ENTREP2: variants seen among roughly 807,000 people sequenced by gnomAD.
ENTREP2 encodes the protein endosomal transmembrane epsin interactor 2, also known as protein ENTREP2.
chr15:29,220,141 A>C, the ENTREP2 span, among the ~76,000 whole-genome samples: 1 of 152,190 alleles, frequency 6.6e-6, no homozygotes, highest in African/African-American at 2.4e-5. Context: ...TCTAGGGCTT[A>C]TTTGAGGCTG....
chr15:29,403,012 A>G, the ENTREP2 span, among the ~76,000 whole-genome samples: 1 of 152,140 alleles, frequency 6.6e-6, no homozygotes, highest in Admixed American at 6.5e-5. Context: ...ATGGCTTCAG[A>G]ACAGGTATGG....
the ENTREP2 span, among the ~76,000 whole-genome samples, chr15:29,261,952 A>C: frequency 6.6e-6 from 1 of 151,342 alleles, no homozygotes; most frequent in African/African-American, 2.4e-5. Flanking sequence ...AGTAAACCCA[A>C]GGAAAGTAAA....
the ENTREP2 span, among the ~76,000 whole-genome samples, chr15:29,654,159 G>C: frequency 6.6e-6 from 1 of 152,294 alleles, no homozygotes; most frequent in South Asian, 2.1e-4. Context: ...CTGAGAAACT[G>C]ATCAGGTTTT....
the ENTREP2 span, among the ~76,000 whole-genome samples, chr15:29,505,007 C>A: frequency 1.3e-4 from 20 of 152,106 alleles, no homozygotes; most frequent in Middle Eastern, 3.4e-3. The surrounding 1 kb of genome is among the most constrained non-coding windows in gnomAD (Gnocchi z 4.3). Context: ...TTGTAGATGA[C>A]AAGAGAAAAA....
At chr15:29,364,874 G>A in the ENTREP2 span, among the ~76,000 whole-genome samples, 1 of 152,162 alleles carries the variant, frequency 6.6e-6, no homozygotes, top group Admixed American at 6.5e-5. Flanking sequence ...CCAGCCGCCA[G>A]CAGAGTGGTG....
the ENTREP2 span, among the ~76,000 whole-genome samples, chr15:29,240,262 G>A: frequency 6.6e-5 from 10 of 152,014 alleles, no homozygotes; most frequent in Non-Finnish European, 7.4e-5. Context: ...TACTCAGGAG[G>A]CCGAGGCAGG....
At chr15:29,444,716 C>T in the ENTREP2 span, among the ~76,000 whole-genome samples, 1 of 152,128 alleles carries the variant, frequency 6.6e-6, no homozygotes, top group African/African-American at 2.4e-5. Context: ...CCGCCCACCT[C>T]GGCCTCCCAA....
the ENTREP2 span, among the ~76,000 whole-genome samples, chr15:29,633,071 T>A: frequency 6.6e-6 from 1 of 152,224 alleles, no homozygotes; most frequent in Non-Finnish European, 1.5e-5. Context: ...GAATTGTGAT[T>A]GCTGAATGAG....
chr15:29,169,770 C>A, the ENTREP2 span, among the ~76,000 whole-genome samples: 111 of 152,208 alleles, frequency 7.3e-4, no homozygotes, highest in Non-Finnish European at 1.2e-3. Context: ...TAGACAGGAG[C>A]TCCCTAAACT....
At chr15:29,485,546 G>A in the ENTREP2 span, among the ~76,000 whole-genome samples, 2 of 152,160 alleles carry the variant, frequency 1.3e-5, no homozygotes, top group Non-Finnish European at 2.9e-5. Context: ...CAGTCCCTGG[G>A]ACAGAAGATT....
At chr15:29,600,456 A>ATCATCATCC in the ENTREP2 span, among the ~76,000 whole-genome samples, 1 of 151,850 alleles carries the variant, frequency 6.6e-6, no homozygotes, top group Non-Finnish European at 1.5e-5. Flanking sequence ...CATCATCATC[A>ATCATCATCC]TCATCATCAT....
At chr15:29,620,713 A>G in the ENTREP2 span, among the ~76,000 whole-genome samples, 13 of 152,100 alleles carry the variant, frequency 8.5e-5, no homozygotes, top group Non-Finnish European at 1.9e-4. Context: ...GGCCAAAGAA[A>G]TAAGTGGGAA....
chr15:29,167,330 A>T, the ENTREP2 span, among the ~76,000 whole-genome samples: 1 of 152,246 alleles, frequency 6.6e-6, no homozygotes, highest in East Asian at 1.9e-4. Flanking sequence ...GGATCAAATT[A>T]AACTAAAGAG....
the ENTREP2 span, among the ~76,000 whole-genome samples, chr15:29,514,506 C>A: frequency 2.0e-5 from 3 of 152,194 alleles, no homozygotes; most frequent in Admixed American, 6.5e-5. Flanking sequence ...GTAAACAAGG[C>A]TTCCATGAAC....
chr15:29,391,494 G>A, the ENTREP2 span, among the ~76,000 whole-genome samples: 1 of 152,118 alleles, frequency 6.6e-6, no homozygotes. Context: ...CCTTAGTGTT[G>A]AAGTGTTTTA....
the ENTREP2 span, among the ~76,000 whole-genome samples, chr15:29,285,443 A>G: frequency 1.3e-5 from 2 of 152,244 alleles, no homozygotes; most frequent in Non-Finnish European, 2.9e-5. Context: ...TACTATATAC[A>G]GCCTTTCCCA....
At chr15:29,311,203 A>G in the ENTREP2 span, among the ~76,000 whole-genome samples, 1 of 152,170 alleles carries the variant, frequency 6.6e-6, no homozygotes, top group Non-Finnish European at 1.5e-5. Flanking sequence ...ATTTTTTAAA[A>G]CATACACATT....
At chr15:29,634,556 C>T in the ENTREP2 span, among the ~76,000 whole-genome samples, 3 of 152,234 alleles carry the variant, frequency 2.0e-5, no homozygotes, top group Admixed American at 1.3e-4. Context: ...AACAAGCAAT[C>T]GGTTCTGCAG....
At chr15:29,126,737 A>G in the ENTREP2 span, among the ~76,000 whole-genome samples, 13 of 152,206 alleles carry the variant, frequency 8.5e-5, no homozygotes, top group Non-Finnish European at 1.8e-4. Flanking sequence ...CAAGAGACTA[A>G]AAGTCAGAAA....
Sources: gnomAD v4.1 joint callset for allele counts (sites outside exome capture counted in the v4.1 genomes callset) on GRCh38, gnomAD v4.1.1 for gene constraint, Gnocchi (gnomAD v3.1) non-coding constraint, MANE v1.5 for transcripts, NCBI Gene and HGNC (gene_info 2026-07-23, HGNC 2026-07-21) for gene names.